The following KDM4C variants were observed in gnomAD, a reference collection of about 807,000 sequenced individuals.
The protein encoded by KDM4C is lysine-specific demethylase 4C.
In KDM4C, 81 loss-of-function variants were observed where a neutral mutation model predicts 129.3. That is an observed-to-expected ratio of 0.63 (90% CI 0.52 to 0.75). The LOEUF (loss-of-function observed/expected upper bound fraction) is 0.75, where lower values mean the gene tolerates loss of function less well. Among genes scored for constraint, KDM4C ranks in the 30% least tolerant of loss-of-function variants. The probability of loss-of-function intolerance (pLI) is 0.00; values close to 1 mark genes in which losing one functional copy is unlikely to be tolerated. For synonymous variants in KDM4C, 573 were observed against 456.1 expected, an observed-to-expected ratio of 1.26 and a Z score of -3.26; for missense variants, 1,457 against 1,304.0, an observed-to-expected ratio of 1.12 and a Z score of -1.81.
intron 8 of KDM4C, among the ~76,000 whole-genome samples, chr9:6,951,724 C>G (rs1828181695): frequency 6.6e-6 from 1 of 152,116 alleles, no homozygotes; most frequent in Non-Finnish European, 1.5e-5. Context: ...TGTCATTGTC[C>G]TATTTCATGC....
chr9:6,804,864 C>A (rs1337022090), intron 2 of KDM4C, among the ~76,000 whole-genome samples: 1 of 151,852 alleles, frequency 6.6e-6, no homozygotes, highest in Non-Finnish European at 1.5e-5. Flanking sequence ...AGATGAACTT[C>A]TTTGGGGAAG....
chr9:7,044,459 G>A (rs978670437), intron 15 of KDM4C, among the ~76,000 whole-genome samples: 21 of 151,906 alleles, frequency 1.4e-4, no homozygotes, highest in African/African-American at 4.6e-4. Flanking sequence ...TTTAGGTCTG[G>A]TGAAGGATAC....
chr9:6,949,836 G>T (rs1272827077), intron 8 of KDM4C, among the ~76,000 whole-genome samples: 2 of 138,344 alleles, frequency 1.4e-5, no homozygotes, highest in Non-Finnish European at 3.1e-5. Flanking sequence ...ACCGTGGAGG[G>T]AGAGGGAGAC....
At chr9:7,067,620 C>G (rs1832606623) in intron 17 of KDM4C, among the ~76,000 whole-genome samples, 1 of 152,132 alleles carries the variant, frequency 6.6e-6, no homozygotes, top group Non-Finnish European at 1.5e-5. Flanking sequence ...TGTTAAGACT[C>G]TTGGTCTTTA....
rs1835562899 is a variant in KDM4C, at chr9:6,834,795, C to T, written c.436-14712C>T. Reference sequence around the variant, plus strand: ...ACCGAGGCCCCCCTGAACCCCAAGGCCAGCCGCGAGAAGATGACCCAGATC... The same window carrying T: ...ACCGAGGCCCCCCTGAACCCCAAGGTCAGCCGCGAGAAGATGACCCAGATC... On this transcript the variant is annotated intron_variant, in intron 4 of 21. Transcript: ENST00000381309. 4 of 1,350,478 alleles carry T rather than the reference C, an allele frequency of 3.0e-6. No individual in the cohort carries two copies. The Admixed American group carries it at 6.7e-5, about 23-fold the overall frequency. 83.7% of individuals were successfully genotyped at this position (1,350,478 alleles called of 1,614,324 possible).
intron 3 of KDM4C, among the ~76,000 whole-genome samples, chr9:6,814,341 A>G (rs1184752392): frequency 6.6e-6 from 1 of 152,202 alleles, no homozygotes; most frequent in East Asian, 1.9e-4. Flanking sequence ...GATTTTAAAA[A>G]TACTTTAAAG....
intron 17 of KDM4C, among the ~76,000 whole-genome samples, chr9:7,097,564 C>A (rs535677322): frequency 1.3e-5 from 2 of 152,310 alleles, no homozygotes; most frequent in East Asian, 3.9e-4. Context: ...CCGCAGGTAG[C>A]TGTCATGAAG....
intron 1 of KDM4C, among the ~76,000 whole-genome samples, chr9:6,766,342 A>G (rs1820618717): frequency 6.6e-6 from 1 of 152,150 alleles, no homozygotes; most frequent in South Asian, 2.1e-4. Flanking sequence ...GAGATGCTCA[A>G]CTTATGTATG....
At chr9:6,868,692 TC>T (rs1473222922) in intron 5 of KDM4C, among the ~76,000 whole-genome samples, 2 of 151,888 alleles carry the variant, frequency 1.3e-5, no homozygotes, top group Non-Finnish European at 2.9e-5. Context: ...CACGACCGTT[TC>T]CCCTCCACGT....
intron 19 of KDM4C, among the ~76,000 whole-genome samples, chr9:7,158,105 T>C (rs1301741607): frequency 2.0e-5 from 3 of 152,202 alleles, no homozygotes; most frequent in Non-Finnish European, 4.4e-5. Context: ...TGTCCAGGAA[T>C]TTATCCATTT....
intron 8 of KDM4C, among the ~76,000 whole-genome samples, chr9:6,894,978 G>GCTAT (rs1846632278): frequency 6.6e-6 from 1 of 152,210 alleles, no homozygotes; most frequent in Non-Finnish European, 1.5e-5. Flanking sequence ...TTTAGTAAGG[G>GCTAT]CTATGACTGT....
intron 18 of KDM4C, among the ~76,000 whole-genome samples, chr9:7,122,265 A>ACACACACACACTCTCTCTCTCTCT (rs375655422): frequency 1.5e-4 from 21 of 144,712 alleles, no homozygotes; most frequent in African/African-American, 4.9e-4. Flanking sequence ...ACACACACAC[A>ACACACACACACTCTCTCTCTCTCT]CTCTCTCTCT....
At chr9:7,048,993 T>C in intron 16 of KDM4C, 99 bp from the exon 17 acceptor site, 1 of 746,736 alleles carries the variant, frequency 1.3e-6, no homozygotes. Flanking sequence ...GCTTTCTTGC[T>C]CATCTGTGTA....
chr9:7,084,969 G>A (rs543771104), intron 17 of KDM4C, among the ~76,000 whole-genome samples: 11 of 152,236 alleles, frequency 7.2e-5, no homozygotes, highest in Admixed American at 7.2e-4. Context: ...GGCCTAATTT[G>A]GAGGGTCAAG....
rs1817653320 is a variant in KDM4C, at chr9:6,740,496, C to T, written c.49+19499C>T. 3.5e-5 allele frequency among the ~76,000 whole-genome samples: 5 copies of T among 143,222 alleles called. No homozygotes were observed. The South Asian group carries it at 1.1e-3, about 32-fold the overall frequency. The allele number at this position is 143,222 out of a possible 152,430, so 94.0% of individuals were successfully genotyped here. On this transcript the variant is annotated intron_variant, in intron 1 of 17. Transcript: ENST00000536108. ...GGGATTACAGGCGTGAGCCACTGCGCCTGGCCTTTCACCCGGCCTAATTTT... is the reference window on the plus strand; with the variant it reads ...GGGATTACAGGCGTGAGCCACTGCGTCTGGCCTTTCACCCGGCCTAATTTT...
At chr9:6,905,586 A>G (rs529866323) in intron 8 of KDM4C, among the ~76,000 whole-genome samples, 92 of 152,308 alleles carry the variant, frequency 6.0e-4, no homozygotes, top group African/African-American at 2.1e-3. Context: ...CCCTAAAATG[A>G]TTCTTTTGAG....
At chr9:6,829,489 A>T (rs1834438528) in intron 4 of KDM4C, among the ~76,000 whole-genome samples, 1 of 152,226 alleles carries the variant, frequency 6.6e-6, no homozygotes. Flanking sequence ...ACATAAAGTC[A>T]TTGACAATTT....
intron 8 of KDM4C, among the ~76,000 whole-genome samples, chr9:6,947,240 A>G (rs927811249): frequency 6.6e-6 from 1 of 152,112 alleles, no homozygotes; most frequent in African/African-American, 2.4e-5. Flanking sequence ...AAATAGCTCT[A>G]GATGTGAAAG....
intron 5 of KDM4C, among the ~76,000 whole-genome samples, chr9:6,852,472 G>A (rs1000640795): frequency 8.5e-5 from 13 of 152,120 alleles, no homozygotes; most frequent in African/African-American, 3.1e-4. Context: ...CATGATCAGA[G>A]TCACAGGAAT....
Sources: gnomAD v4.1 joint callset for allele counts (sites outside exome capture counted in the v4.1 genomes callset) on GRCh38, gnomAD v4.1.1 for gene constraint, MANE v1.5 for transcripts, NCBI Gene and HGNC (gene_info 2026-07-23, HGNC 2026-07-21) for gene names.